Variants in SGCZ observed in about 807,000 individuals in gnomAD.
SGCZ encodes sarcoglycan zeta, also known as zeta-sarcoglycan.
A neutral mutation model predicts 41.3 loss-of-function variants in SGCZ; 40 were observed. That is an observed-to-expected ratio of 0.97 (90% CI 0.75 to 1.26). SGCZ has a LOEUF of 1.26. SGCZ is among the 50% of genes most tolerant of loss of function. SGCZ has a pLI of 0.00. For missense variants in SGCZ, 552 were observed against 369.8 expected (o/e 1.49, Z -4.04); for synonymous variants, 206 against 137.5 (o/e 1.50, Z -3.49).
intron 2 of SGCZ, among the ~76,000 whole-genome samples, chr8:14,435,261 G>C (rs1204669558): frequency 6.6e-6 from 1 of 151,996 alleles, no homozygotes; most frequent in Non-Finnish European, 1.5e-5. Context: ...CCTTTGCCTT[G>C]AATGTTCAAC....
intron 1 of SGCZ, among the ~76,000 whole-genome samples, chr8:14,734,706 T>C (rs6986197): frequency 0.026 from 3,986 of 152,256 alleles, 189 homozygotes; most frequent in African/African-American, 0.091. Flanking sequence ...CTACATTAAG[T>C]GCTCTTGATT....
At chr8:14,957,505 A>C (rs1359384082) in intron 1 of SGCZ, among the ~76,000 whole-genome samples, 1 of 152,020 alleles carries the variant, frequency 6.6e-6, no homozygotes, top group Non-Finnish European at 1.5e-5. Flanking sequence ...TTTATATTTA[A>C]TATACATGTT....
intron 1 of SGCZ, among the ~76,000 whole-genome samples, chr8:14,695,105 G>A (rs1014940943): frequency 6.6e-6 from 1 of 152,106 alleles, no homozygotes; most frequent in Admixed American, 6.5e-5. Flanking sequence ...AATTGATGCT[G>A]ATAGACAGTT....
At chr8:14,350,276 A>G (rs1803041907) in intron 2 of SGCZ, among the ~76,000 whole-genome samples, 1 of 151,962 alleles carries the variant, frequency 6.6e-6, no homozygotes, top group Non-Finnish European at 1.5e-5. Flanking sequence ...ATGCTTTTTC[A>G]AGTCCTGAAG....
At chr8:14,848,016 T>A (rs925666170) in intron 1 of SGCZ, among the ~76,000 whole-genome samples, 1 of 152,052 alleles carries the variant, frequency 6.6e-6, no homozygotes, top group Admixed American at 6.6e-5. Flanking sequence ...AAGAAGTTAC[T>A]GGAAATAATA....
At chr8:15,138,347 G>A (rs1169947710) in intron 1 of SGCZ, among the ~76,000 whole-genome samples, 3 of 152,124 alleles carry the variant, frequency 2.0e-5, no homozygotes, top group Non-Finnish European at 4.4e-5. Context: ...AGTTAATGCA[G>A]GGATGAGTTG....
chr8:14,339,500 A>G (rs1266354690), intron 2 of SGCZ, among the ~76,000 whole-genome samples: 3 of 152,252 alleles, frequency 2.0e-5, no homozygotes, highest in Non-Finnish European at 4.4e-5. Flanking sequence ...TCAGTACAAA[A>G]TTCAGAATCA....
Position 15,158,349 on chromosome 8 carries a change from GT to G in SGCZ, c.39+79235del, listed in dbSNP as rs546847925. Among the ~76,000 whole-genome samples, 220 of 152,084 alleles carry G rather than the reference GT, an allele frequency of 1.4e-3. 1 individual carries two copies. Among genetic ancestry groups the G allele is most frequent in the African/African-American group, 5.0e-3 (206 of 41,474 alleles). ...TTGCTAGCTATTTGTGGAATCTGAG[GT>G]CCTAAGAAGGCTGTTCTCCACATGG... On this transcript the variant is annotated intron_variant, in intron 1 of 7. Transcript: ENST00000382080.
chr8:14,465,821 T>G lies in SGCZ; in HGVS notation c.234+88911A>C, dbSNP rs191165865. Among the ~76,000 whole-genome samples, 3 of 151,992 alleles carry G rather than the reference T, an allele frequency of 2.0e-5. No homozygotes were observed. The East Asian group carries it at 5.8e-4, about 29-fold the overall frequency. On this transcript the variant is annotated intron_variant, in intron 2 of 7. Transcript: ENST00000382080. The stretch of plus-strand genomic sequence containing the variant: ...ATTTCAGTTGTTGATGACACAGAAT[T>G]ATATCTCTATACACTGTATATCCAA...
intron 2 of SGCZ, among the ~76,000 whole-genome samples, chr8:14,416,599 A>AGG (rs956582632): frequency 4.0e-5 from 6 of 151,890 alleles, no homozygotes; most frequent in Non-Finnish European, 8.8e-5. Context: ...AATGTTACTC[A>AGG]GGGTATTTGT....
intron 2 of SGCZ, among the ~76,000 whole-genome samples, chr8:14,408,704 G>A (rs966732087): frequency 1.3e-5 from 2 of 152,000 alleles, no homozygotes; most frequent in Non-Finnish European, 2.9e-5. Flanking sequence ...ATCTAGTCCT[G>A]CATGGCATCT....
At chr8:14,955,510 A>G (rs1224260337) in intron 1 of SGCZ, among the ~76,000 whole-genome samples, 3 of 152,210 alleles carry the variant, frequency 2.0e-5, no homozygotes, top group Admixed American at 6.5e-5. Flanking sequence ...TTCCAAAGTG[A>G]CAGTGCAAGA....
intron 1 of SGCZ, among the ~76,000 whole-genome samples, chr8:14,592,918 C>G (rs556039457): frequency 6.6e-6 from 1 of 152,120 alleles, no homozygotes; most frequent in Non-Finnish European, 1.5e-5. Context: ...GGTATGAATC[C>G]ATTTGTCTTT....
At chr8:14,904,519 T>A (rs1403404071) in intron 1 of SGCZ, among the ~76,000 whole-genome samples, 1 of 152,070 alleles carries the variant, frequency 6.6e-6, no homozygotes, top group Non-Finnish European at 1.5e-5. Flanking sequence ...GCATTTTACC[T>A]TGAATAATTC....
intron 1 of SGCZ, among the ~76,000 whole-genome samples, chr8:14,650,205 A>G (rs979340908): frequency 6.6e-6 from 1 of 152,070 alleles, no homozygotes; most frequent in Non-Finnish European, 1.5e-5. Flanking sequence ...ACTGGATAAC[A>G]GACACTACAG....
At chr8:14,791,794 T>A (rs1015378707) in intron 1 of SGCZ, among the ~76,000 whole-genome samples, 1 of 152,196 alleles carries the variant, frequency 6.6e-6, no homozygotes, top group African/African-American at 2.4e-5. Context: ...CAGTTCTGAA[T>A]CATCAGTAAA....
chr8:14,569,114 T>C (rs955598002), intron 1 of SGCZ, among the ~76,000 whole-genome samples: 1 of 152,180 alleles, frequency 6.6e-6, no homozygotes, highest in African/African-American at 2.4e-5. Flanking sequence ...ATAACCCCCA[T>C]GTCTGAATCA....
chr8:14,559,545 C>T (rs561805983), intron 1 of SGCZ, among the ~76,000 whole-genome samples: 48 of 152,028 alleles, frequency 3.2e-4, no homozygotes, highest in African/African-American at 1.0e-3. Context: ...ATTGTGAAAA[C>T]GACCATACTT....
At chr8:14,717,427 T>C (rs1809727719) in intron 1 of SGCZ, among the ~76,000 whole-genome samples, 1 of 152,130 alleles carries the variant, frequency 6.6e-6, no homozygotes, top group African/African-American at 2.4e-5. Context: ...CAATTTCTAC[T>C]TTTCGAAGAA....
Sources: allele counts gnomAD v4.1 joint callset (sites outside exome capture counted in the v4.1 genomes callset), GRCh38; gene constraint gnomAD v4.1.1; transcripts MANE v1.5; gene names NCBI Gene and HGNC (gene_info 2026-07-23, HGNC 2026-07-21).